ALB: variants seen among roughly 807,000 people sequenced by gnomAD.
ALB encodes serum albumin.
In ALB, 37 loss-of-function variants were observed where a neutral mutation model predicts 74.5. That is an observed-to-expected ratio of 0.50 (90% CI 0.38 to 0.65). ALB has a LOEUF of 0.65. ALB is among the 30% of genes least tolerant of loss of function. The probability of loss-of-function intolerance (pLI) is 0.00; values close to 1 mark genes in which losing one functional copy is unlikely to be tolerated. For missense variants in ALB, 685 were observed against 718.7 expected, an observed-to-expected ratio of 0.95 and a Z score of 0.54; for synonymous variants, 249 against 251.6, an observed-to-expected ratio of 0.99 and a Z score of 0.10.
Position 73,420,297 on chromosome 4 carries a change from A to C in ALB, c.1829A>C (p.Ter610SerextTer4). 1 of 1,610,954 alleles carries C rather than the reference A, an allele frequency of 6.2e-7. No homozygotes were observed. The highest frequency in any genetic ancestry group is 8.5e-7 in the Non-Finnish European group (1 of 1,177,554). The change falls in exon 14 of 15, where the codon TAA (stop) becomes TCA (serine). Residue 610 changes from the stop codon to serine (S), a stop_lost. Coordinates refer to ENST00000295897, the MANE Select transcript of ALB (RefSeq NM_000477.7). ...GCAAGTCAAGCTGCCTTAGGCTTAT[A>C]ACATCACATTTAAAAGCATCTCAGG... ...VAASQAALGL[*>S]
chr4:73,417,410 G>T, intron 10 of ALB, 121 bp from the exon 11 acceptor site: 1 of 1,275,806 alleles, frequency 7.8e-7, no homozygotes, highest in Non-Finnish European at 1.1e-6. Context: ...TGCAGATGGA[G>T]ATAATATGAT....
chr4:73,409,841 G>A (rs754340632), intron 5 of ALB, among the ~76,000 whole-genome samples: 5 of 152,008 alleles, frequency 3.3e-5, no homozygotes, highest in Non-Finnish European at 7.4e-5. Flanking sequence ...TTAGTAGGGA[G>A]GGAATTCAAA....
chr4:73,418,952 A>G (rs1435460407), intron 12 of ALB, among the ~76,000 whole-genome samples: 1 of 152,226 alleles, frequency 6.6e-6, no homozygotes, highest in East Asian at 1.9e-4. Context: ...TGTCAGTGAA[A>G]GAGAACCAGC....
chr4:73,408,245 C>T (rs941065312), intron 3 of ALB, among the ~76,000 whole-genome samples: 6 of 152,150 alleles, frequency 3.9e-5, no homozygotes, highest in African/African-American at 1.4e-4. Context: ...TAGGTGAATT[C>T]ACCTGCTGCT....
Position 73,415,028 on chromosome 4 carries a change from TA to T in ALB, c.1059-5del, listed in dbSNP as rs1237398679. On this transcript the variant is annotated splice_polypyrimidine_tract_variant and splice_region_variant and intron_variant, in intron 8 of 14. Coordinates refer to ENST00000295897, the MANE Select transcript of ALB (RefSeq NM_000477.7). ...AACAAAGTCTATTTTATTTTCATCT[TA>T]ATTAGGTTTTTGTATGAATATGCAA... 5 of 1,613,922 alleles carry T rather than the reference TA, an allele frequency of 3.1e-6. No individual in the cohort carries two copies. The highest frequency in any genetic ancestry group is 3.4e-6 in the Non-Finnish European group (4 of 1,179,824).
chr4:73,411,999 A>T lies in ALB; in HGVS notation c.717A>T (p.Ala239=). 6.2e-7 allele frequency: 1 copy of T among 1,614,202 alleles called. No homozygotes were observed. The highest frequency in any genetic ancestry group is 8.5e-7 in the Non-Finnish European group (1 of 1,180,016). Residue 239 remains alanine, a synonymous_variant, in exon 7 of 15, where the codon GCA becomes GCT. Transcript: ENST00000295897. ...TGATTGGCGATTTTCTTTTTAGGGC[A>T]GTAGCTCGCCTGAGCCAGAGATTTC... The part of the protein sequence containing the change: ...KFGERAFKAW[A]VARLSQRFPK...
At chr4:73,411,290 T>C (rs1180178922) in intron 6 of ALB, among the ~76,000 whole-genome samples, 1 of 151,990 alleles carries the variant, frequency 6.6e-6, no homozygotes, top group East Asian at 1.9e-4. Context: ...CAGGCTATGA[T>C]TGGTTTTGGG....
chr4:73,421,330 C>G lies in ALB; in HGVS notation c.*262C>G, dbSNP rs1241116624. ...AAATTCTGTAGGTTCTGTGGAAGTT[C>G]CAGTGTTCTCTCTTATTCCACTTCG... On this transcript the variant is annotated 3_prime_UTR_variant, in exon 15 of 15. Coordinates refer to ENST00000295897, the MANE Select transcript of ALB (RefSeq NM_000477.7). The G allele has an allele frequency of 2.6e-6, 1 of 391,080 alleles. No individual in the cohort carries two copies. Among genetic ancestry groups the G allele is most frequent in the Admixed American group, 4.5e-5 (1 of 22,190 alleles). The allele number at this position is 391,080 out of a possible 1,614,324, so 24.2% of individuals were successfully genotyped here.
At chr4:73,419,758 T>C in intron 13 of ALB, 119 bp downstream of exon 13, 1 of 1,230,744 alleles carries the variant, frequency 8.1e-7, no homozygotes, top group Non-Finnish European at 1.2e-6. Flanking sequence ...AGGGATCTTA[T>C]TTTACAAACA....
At position 73,412,008 on chromosome 4, in the gene ALB, C is replaced by T; in HGVS notation, c.726C>T (p.Arg242=). ...ERAFKAWAVA[R]LSQRFPKAEF... ...ATTTTCTTTTTAGGGCAGTAGCTCG[C>T]CTGAGCCAGAGATTTCCCAAAGCTG... Residue 242 remains arginine (R), a synonymous_variant, in exon 7 of 15, where the codon CGC becomes CGT. Transcript: ENST00000295897. 1 of 1,614,120 alleles carries T rather than the reference C, an allele frequency of 6.2e-7. No individual in the cohort carries two copies. Among genetic ancestry groups the T allele is most frequent in the African/African-American group, 1.3e-5 (1 of 75,020 alleles).
chr4:73,418,012 C>A (rs947519693), intron 11 of ALB, 76 bp from the exon 12 acceptor site: 31 of 1,405,890 alleles, frequency 2.2e-5, no homozygotes, highest in Non-Finnish European at 3.1e-5. Flanking sequence ...CCATGCCTGG[C>A]TAATTTTTTG....
At position 73,406,748 on chromosome 4, in the gene ALB, G is replaced by C; in HGVS notation, c.257G>C (p.Cys86Ser). 1 of 1,613,774 alleles carries C rather than the reference G, an allele frequency of 6.2e-7. No homozygotes were observed. Among genetic ancestry groups the C allele is most frequent in the Non-Finnish European group, 8.5e-7 (1 of 1,179,912 alleles). ...TCVADESAEN[C>S]DKSLHTLFGD... is the part of the protein sequence containing the mutation. ...GTTGCTGATGAGTCAGCTGAAAATTGTGACAAATCACTTGTAAGTACATTC... is the reference window on the plus strand; with the variant it reads ...GTTGCTGATGAGTCAGCTGAAAATTCTGACAAATCACTTGTAAGTACATTC... The change falls in exon 3 of 15, where the codon TGT (cysteine) becomes TCT (serine). Residue 86 changes from cysteine to serine, a missense_variant. Coordinates refer to ENST00000295897, the MANE Select transcript of ALB (RefSeq NM_000477.7).
rs755260948 is a variant in ALB, at chr4:73,408,829, T to A, written c.482+24T>A. 7 of 1,599,192 alleles carry A rather than the reference T, an allele frequency of 4.4e-6. No homozygotes were observed. In the South Asian group the frequency reaches 6.7e-5, roughly 15 times the overall value. Reference sequence around the variant, plus strand: ...AAGTAAGTAATCAGATGTTTATAGTTCAAAATTAAAAAGCATGGAGTAACT... The same window carrying A: ...AAGTAAGTAATCAGATGTTTATAGTACAAAATTAAAAAGCATGGAGTAACT... On this transcript the variant is annotated intron_variant, in intron 4 of 14. Coordinates refer to ENST00000295897, the MANE Select transcript of ALB (RefSeq NM_000477.7).
At chr4:73,404,493 T>A in intron 1 of ALB, 87 bp downstream of exon 1, 1 of 1,158,204 alleles carries the variant, frequency 8.6e-7, no homozygotes, top group Admixed American at 1.8e-5. Context: ...CTTTAAAGAA[T>A]TATTTTGGCA....
At chr4:73,418,374 C>A in intron 12 of ALB, 63 bp downstream of exon 12, 2 of 1,452,776 alleles carry the variant, frequency 1.4e-6, no homozygotes, top group South Asian at 1.2e-5. Context: ...TCAATTCAAG[C>A]TAGCAACTTT....
chr4:73,405,797 C>T (rs1718709534), intron 2 of ALB, among the ~76,000 whole-genome samples: 1 of 151,974 alleles, frequency 6.6e-6, no homozygotes, highest in Non-Finnish European at 1.5e-5. Context: ...TCACCGTGTG[C>T]CAGGATGGTC....
chr4:73,409,686 G>C (rs1054090918), intron 5 of ALB, among the ~76,000 whole-genome samples, 199 bp downstream of exon 5: 1 of 152,092 alleles, frequency 6.6e-6, no homozygotes, highest in Non-Finnish European at 1.5e-5. Flanking sequence ...TGCCAATGAT[G>C]ATCTGTCAGA....
intron 3 of ALB, 59 bp downstream of exon 3, chr4:73,406,820 CA>C: frequency 6.3e-7 from 1 of 1,596,516 alleles, no homozygotes. Context: ...CCAAGCATTT[CA>C]AAGGAATTTT....
chr4:73,408,831 A>G, intron 4 of ALB, 26 bp downstream of exon 4: 1 of 1,594,636 alleles, frequency 6.3e-7, no homozygotes, highest in Middle Eastern at 1.7e-4. Flanking sequence ...TTTATAGTTC[A>G]AAATTAAAAA....
Sources: gnomAD v4.1 joint callset for allele counts (sites outside exome capture counted in the v4.1 genomes callset) on GRCh38, gnomAD v4.1.1 for gene constraint, MANE v1.5 for transcripts, NCBI Gene and HGNC (gene_info 2026-07-23, HGNC 2026-07-21) for gene names.